NMT2: variants seen among roughly 807,000 people sequenced by gnomAD.
The protein encoded by NMT2 is glycylpeptide N-tetradecanoyltransferase 2.
Under a neutral mutation model 65.4 loss-of-function variants are expected in NMT2, and 35 were observed. The ratio of observed to expected loss-of-function variants is 0.54; its 90% CI spans 0.41 to 0.71. The LOEUF (loss-of-function observed/expected upper bound fraction) is 0.71. Among genes scored for constraint, NMT2 ranks in the 30% least tolerant of loss-of-function variants. The probability of loss-of-function intolerance (pLI) is 0.00; values close to 1 mark genes in which losing one functional copy is unlikely to be tolerated. For synonymous variants in NMT2, 226 were observed against 231.8 expected, an observed-to-expected ratio of 0.98 and a Z score of 0.23; for missense variants, 489 against 611.3, an observed-to-expected ratio of 0.80 and a Z score of 2.11.
intron 8 of NMT2, among the ~76,000 whole-genome samples, chr10:15,121,361 A>C (rs1441177875): frequency 1.3e-5 from 2 of 152,234 alleles, no homozygotes; most frequent in African/African-American, 2.4e-5. Context: ...TGGAAGCCCA[A>C]GGGGGAAAAC....
At chr10:15,122,835 G>A (rs1845968275) in intron 8 of NMT2, among the ~76,000 whole-genome samples, 1 of 151,760 alleles carries the variant, frequency 6.6e-6, no homozygotes, top group Non-Finnish European at 1.5e-5. Context: ...AAAGACTACA[G>A]AAATACACAT....
In NMT2 at chr10:15,164,912, T is replaced by A. The variant is rs1356864276; in HGVS notation, c.110+3591A>T. ...CAGGTATGGTGGCACACGCCTGTAA[T>A]CCCAGCACTTTGGGATGCAGAGGTG... On this transcript the variant is annotated intron_variant, in intron 1 of 11. Transcript: ENST00000378165. Among the ~76,000 whole-genome samples, 3 of 152,272 alleles carry A rather than the reference T, an allele frequency of 2.0e-5. No individual in the cohort carries two copies. The East Asian group carries it at 5.8e-4, about 29-fold the overall frequency.
At chr10:15,140,815 G>A (rs971163896) in intron 2 of NMT2, among the ~76,000 whole-genome samples, 3 of 152,190 alleles carry the variant, frequency 2.0e-5, no homozygotes, top group East Asian at 1.9e-4. Context: ...AGACACCCAC[G>A]CAGTACAATC....
At chr10:15,121,424 A>G (rs895634494) in intron 8 of NMT2, among the ~76,000 whole-genome samples, 3 of 152,122 alleles carry the variant, frequency 2.0e-5, no homozygotes, top group Non-Finnish European at 2.9e-5. Context: ...CTGGAGTGCA[A>G]TGGTGCGATC....
chr10:15,149,188 G>A (rs1564584459), intron 1 of NMT2, among the ~76,000 whole-genome samples: 5 of 141,166 alleles, frequency 3.5e-5, no homozygotes, highest in Admixed American at 2.8e-4. Flanking sequence ...CACCACCACT[G>A]CCACCATCAT....
chr10:15,111,127 G>GGTTT (rs1280022859), intron 10 of NMT2, among the ~76,000 whole-genome samples: 1 of 152,022 alleles, frequency 6.6e-6, no homozygotes, highest in Non-Finnish European at 1.5e-5. Flanking sequence ...TTGTCAAGAT[G>GGTTT]GTTTCATCTC....
chr10:15,112,321 C>G (rs11259493), intron 10 of NMT2, among the ~76,000 whole-genome samples: 10,235 of 139,092 alleles, frequency 0.074, 645 homozygotes, highest in African/African-American at 0.18. Flanking sequence ...CTCTGCCTCC[C>G]AGGTTCAAGC....
intron 1 of NMT2, among the ~76,000 whole-genome samples, chr10:15,152,887 G>A (rs1342318745): frequency 6.6e-6 from 1 of 152,190 alleles, no homozygotes; most frequent in African/African-American, 2.4e-5. Flanking sequence ...GTCTGGAGAG[G>A]TGATACATGT....
intron 8 of NMT2, among the ~76,000 whole-genome samples, chr10:15,124,361 A>C (rs1232421079): frequency 1.3e-5 from 2 of 152,264 alleles, no homozygotes; most frequent in African/African-American, 4.8e-5. Flanking sequence ...GCTTCTGGCC[A>C]GCAGACTCTG....
chr10:15,159,618 G>T (rs1390722520), intron 1 of NMT2, among the ~76,000 whole-genome samples: 1 of 152,122 alleles, frequency 6.6e-6, no homozygotes, highest in Non-Finnish European at 1.5e-5. Flanking sequence ...AGTAGAGATG[G>T]GGTTTCACCA....
At chr10:15,132,231 A>G (rs560640110) in intron 6 of NMT2, among the ~76,000 whole-genome samples, 5 of 152,228 alleles carry the variant, frequency 3.3e-5, no homozygotes, top group African/African-American at 9.6e-5. Context: ...CAGAGAGAGA[A>G]AAAGAGAAAA....
At chr10:15,155,079 T>A in intron 1 of NMT2, 1 of 1,375,352 alleles carries the variant, frequency 7.3e-7, no homozygotes, top group Non-Finnish European at 1.0e-6. Flanking sequence ...ATCATCAAAT[T>A]TCTCCCTGTA....
chr10:15,125,804 C>T (rs974845869), intron 8 of NMT2, among the ~76,000 whole-genome samples: 8 of 152,172 alleles, frequency 5.3e-5, no homozygotes, highest in East Asian at 3.9e-4. Flanking sequence ...GTAGCTGGGA[C>T]TACAGCCATG....
chr10:15,143,583 A>AT (rs1235979696), intron 1 of NMT2, among the ~76,000 whole-genome samples: 1 of 152,228 alleles, frequency 6.6e-6, no homozygotes, highest in East Asian at 1.9e-4. Flanking sequence ...TCAGCCAGGC[A>AT]TGGTGGCTCA....
At position 15,116,466 on chromosome 10, in the gene NMT2, A is replaced by G. The variant is rs147635306; in HGVS notation, c.1170+2877T>C. The stretch of plus-strand genomic sequence containing the variant: ...AAACTGATAGAACTAAATGCTTACT[A>G]GTAACAGGGAAAGGTCTCAAGTCAG... On this transcript the variant is annotated intron_variant, in intron 9 of 11. Transcript: ENST00000378165. 4.5e-3 allele frequency among the ~76,000 whole-genome samples: 683 copies of G among 152,330 alleles called. 3 individuals carry two copies. The highest frequency in any genetic ancestry group is 5.8e-3 in the Non-Finnish European group (394 of 68,028).
intron 1 of NMT2, chr10:15,155,309 G>A (rs1213066207): frequency 7.8e-7 from 1 of 1,283,260 alleles, no homozygotes; most frequent in South Asian, 1.2e-5. Flanking sequence ...AGAACATGGT[G>A]GGGTTGACCA....
intron 9 of NMT2, among the ~76,000 whole-genome samples, chr10:15,113,514 C>G (rs1172503552): frequency 6.9e-6 from 1 of 145,174 alleles, no homozygotes; most frequent in African/African-American, 2.7e-5. Flanking sequence ...AGCAGAATGT[C>G]CTAAAAGGAA....
chr10:15,133,022 A>G, intron 5 of NMT2, 31 bp downstream of exon 5: 1 of 1,603,574 alleles, frequency 6.2e-7, no homozygotes, highest in Non-Finnish European at 8.5e-7. Flanking sequence ...AGCAGCGCCT[A>G]TCCACGACAT....
chr10:15,112,653 C>T (rs1845601045), intron 10 of NMT2, 143 bp downstream of exon 10: 2 of 735,660 alleles, frequency 2.7e-6, no homozygotes, highest in Admixed American at 3.5e-5. Flanking sequence ...TATCAAAATT[C>T]TTCCTTTGAC....
Sources: gnomAD v4.1 joint callset for allele counts (sites outside exome capture counted in the v4.1 genomes callset) on GRCh38, gnomAD v4.1.1 for gene constraint, MANE v1.5 for transcripts, NCBI Gene and HGNC (gene_info 2026-07-23, HGNC 2026-07-21) for gene names.